TBC1D32: variants seen among roughly 807,000 people sequenced by gnomAD.
TBC1D32 encodes protein broad-minded.
TBC1D32 carries 151 observed loss-of-function variants against 170.3 expected under a neutral mutation model. The observed-to-expected ratio is 0.89, with a 90% CI of 0.78 to 1.01. The LOEUF is 1.01. Among genes scored for constraint, TBC1D32 ranks in the 50% least tolerant of loss-of-function variants. The pLI is 0.00. For synonymous variants in TBC1D32, 498 were observed against 488.0 expected, an observed-to-expected ratio of 1.02 and a Z score of -0.27; for missense variants, 1,464 against 1,457.1, an observed-to-expected ratio of 1.00 and a Z score of -0.08.
chr6:121,234,085 A>G (rs1470820319), intron 20 of TBC1D32, among the ~76,000 whole-genome samples: 1 of 152,084 alleles, frequency 6.6e-6, no homozygotes, highest in Non-Finnish European at 1.5e-5. Flanking sequence ...ATCTGTTGTT[A>G]ATCTGATAGG....
At position 121,255,320 on chromosome 6, in the gene TBC1D32, G is replaced by T; in HGVS notation, c.2018+8C>A. The stretch of plus-strand genomic sequence containing the variant: ...AATAAATGCATGACTTTCATCAATT[G>T]TACTTACATGTTTTGGGATTCCTGG... On this transcript the variant is annotated splice_region_variant and intron_variant, in intron 17 of 31. Transcript: ENST00000398212. The T allele has an allele frequency of 6.6e-7, 1 of 1,511,500 alleles. No individual in the cohort carries two copies. Among genetic ancestry groups the T allele is most frequent in the Non-Finnish European group, 9.0e-7 (1 of 1,107,906 alleles). 93.6% of individuals were successfully genotyped at this position (1,511,500 alleles called of 1,614,324 possible).
chr6:121,132,976 A>C (rs746644130), intron 24 of TBC1D32, among the ~76,000 whole-genome samples: 4 of 152,016 alleles, frequency 2.6e-5, no homozygotes, highest in Non-Finnish European at 5.9e-5. Flanking sequence ...TGGGAGAACC[A>C]GTAGCCAGAT....
intron 17 of TBC1D32, among the ~76,000 whole-genome samples, chr6:121,243,252 A>T (rs1797206880): frequency 6.6e-6 from 1 of 152,150 alleles, no homozygotes; most frequent in African/African-American, 2.4e-5. Flanking sequence ...AAATATAGAG[A>T]AATTTGGAGG....
chr6:121,273,115 G>C (rs1242254271), intron 15 of TBC1D32, among the ~76,000 whole-genome samples: 1 of 150,860 alleles, frequency 6.6e-6, no homozygotes, highest in Non-Finnish European at 1.5e-5. Context: ...GTTGTGGGGT[G>C]GGGTGCTAGG....
intron 30 of TBC1D32, among the ~76,000 whole-genome samples, chr6:121,102,157 T>C (rs12525330): frequency 0.18 from 27,170 of 151,876 alleles, 3,238 homozygotes; most frequent in African/African-American, 0.31. Context: ...AAAATGGCCA[T>C]ACTGCCCGAG....
intron 22 of TBC1D32, among the ~76,000 whole-genome samples, chr6:121,192,043 G>A (rs1445639246): frequency 4.5e-5 from 2 of 44,194 alleles, no homozygotes; most frequent in Admixed American, 7.5e-4. Flanking sequence ...GATCATGTAA[G>A]TTAATACTTA....
chr6:121,283,823 T>TC lies in TBC1D32; in HGVS notation c.1459_1460insG (p.His487ArgfsTer13). The stretch of plus-strand genomic sequence containing the variant: ...TAAAATAGAAACAGAATTACCTGAA[T>TC]GGGCAGCTGATGTCATCTTTGGACA... On this transcript the variant is annotated frameshift_variant, in exon 13 of 32. Transcript: ENST00000398212. LOFTEE classifies it high-confidence loss of function. 2 of 1,599,732 alleles carry TC rather than the reference T, an allele frequency of 1.3e-6. No homozygotes were observed. The highest frequency in any genetic ancestry group is 1.7e-6 in the Non-Finnish European group (2 of 1,169,400).
In TBC1D32 at chr6:121,128,718, C is replaced by T. The variant is rs117671752; in HGVS notation, c.2900-2257G>A. On this transcript the variant is annotated intron_variant, in intron 25 of 31. Transcript: ENST00000398212. ...TAATATTTATATACTAAGAAGAACA[C>T]GTGGGTTTTCTGCTGAGAAAAAACT... 8.8e-3 allele frequency among the ~76,000 whole-genome samples: 1,338 copies of T among 152,154 alleles called. 10 individuals are homozygous for T. Among genetic ancestry groups the T allele is most frequent in the South Asian group, 0.041 (198 of 4,828 alleles).
intron 21 of TBC1D32, among the ~76,000 whole-genome samples, chr6:121,208,185 G>A (rs1424936271): frequency 6.6e-6 from 1 of 151,918 alleles, no homozygotes; most frequent in Non-Finnish European, 1.5e-5. Context: ...AAGAGTCATT[G>A]CAGAGGTTAA....
intron 12 of TBC1D32, among the ~76,000 whole-genome samples, chr6:121,286,382 G>A (rs1350430690): frequency 7.2e-5 from 11 of 152,132 alleles, no homozygotes; most frequent in African/African-American, 2.7e-4. Context: ...GGAAGAAACG[G>A]TATCAGTGAT....
intron 30 of TBC1D32, among the ~76,000 whole-genome samples, chr6:121,092,735 C>T (rs771739510): frequency 5.3e-5 from 8 of 152,070 alleles, no homozygotes; most frequent in Non-Finnish European, 8.8e-5. Flanking sequence ...TCCCAATTTC[C>T]GCTTTAATAA....
chr6:121,142,143 A>G (rs1273742), intron 24 of TBC1D32, among the ~76,000 whole-genome samples: 41,128 of 152,146 alleles, frequency 0.27, 8,435 homozygotes, highest in African/African-American at 0.56. Flanking sequence ...ACTCTTTTTG[A>G]CCCCTAGTGC....
chr6:121,102,808 C>G (rs908565040), intron 30 of TBC1D32, among the ~76,000 whole-genome samples: 1 of 152,100 alleles, frequency 6.6e-6, no homozygotes, highest in Non-Finnish European at 1.5e-5. Context: ...AGGCAACCTA[C>G]AGAATGAGAG....
intron 15 of TBC1D32, among the ~76,000 whole-genome samples, chr6:121,256,787 A>G (rs1799080403): frequency 1.3e-5 from 2 of 151,356 alleles, no homozygotes; most frequent in Non-Finnish European, 2.9e-5. Context: ...CTCCTGCCTC[A>G]GCCTCCTGAG....
At chr6:121,222,011 C>G (rs764870344) in intron 21 of TBC1D32, among the ~76,000 whole-genome samples, 2 of 152,112 alleles carry the variant, frequency 1.3e-5, no homozygotes, top group Admixed American at 6.6e-5. Context: ...CTTCACTGTT[C>G]TCTTATTTTC....
At chr6:121,134,638 T>C (rs947505328) in intron 24 of TBC1D32, among the ~76,000 whole-genome samples, 4 of 152,124 alleles carry the variant, frequency 2.6e-5, no homozygotes, top group African/African-American at 4.8e-5. Context: ...CCAGCCACCA[T>C]TGAGAGTATA....
At chr6:121,175,036 A>G (rs971631609) in intron 22 of TBC1D32, among the ~76,000 whole-genome samples, 1 of 151,710 alleles carries the variant, frequency 6.6e-6, no homozygotes, top group Non-Finnish European at 1.5e-5. Flanking sequence ...AAAAAAAAAA[A>G]AACTGATAAG....
intron 21 of TBC1D32, among the ~76,000 whole-genome samples, chr6:121,209,143 A>G (rs1280662126): frequency 7.3e-5 from 2 of 27,330 alleles, no homozygotes; most frequent in Non-Finnish European, 1.4e-3. Context: ...CTCTTCTTAA[A>G]AAAAAAAAAA....
At chr6:121,287,356 G>C (rs150449418) in intron 12 of TBC1D32, among the ~76,000 whole-genome samples, 3,638 of 152,168 alleles carry the variant, frequency 0.024, 160 homozygotes, top group East Asian at 0.12. Context: ...TGCAATCCTA[G>C]TCTCTAATAA....
Sources: allele counts gnomAD v4.1 joint callset (sites outside exome capture counted in the v4.1 genomes callset), GRCh38; gene constraint gnomAD v4.1.1; transcripts MANE v1.5; gene names NCBI Gene and HGNC (gene_info 2026-07-23, HGNC 2026-07-21).